The following MTHFD2L variants were observed in gnomAD, a reference collection of about 807,000 sequenced individuals.
MTHFD2L encodes methylenetetrahydrofolate dehydrogenase (NADP+ dependent) 2 like, also known as bifunctional methylenetetrahydrofolate dehydrogenase/cyclohydrolase 2, mitochondrial.
MTHFD2L carries 29 observed loss-of-function variants against 34.9 expected under a neutral mutation model. The ratio of observed to expected loss-of-function variants is 0.83; its 90% CI spans 0.62 to 1.13. MTHFD2L has a LOEUF of 1.13. Ranked by LOEUF, MTHFD2L falls within the 50% of genes most tolerant of loss-of-function variation. MTHFD2L has a pLI of 0.00. For synonymous variants in MTHFD2L, 167 were observed against 155.7 expected (o/e 1.07, Z -0.54); for missense variants, 481 against 446.5 (o/e 1.08, Z -0.70).
At chr4:74,196,611 A>G (rs1273417572) in intron 3 of MTHFD2L, among the ~76,000 whole-genome samples, 1 of 151,960 alleles carries the variant, frequency 6.6e-6, no homozygotes, top group Non-Finnish European at 1.5e-5. Context: ...TTTTCTGTTC[A>G]TTGTCCAAAG....
At chr4:74,267,904 G>A in intron 6 of MTHFD2L, 1 of 985,274 alleles carries the variant, frequency 1.0e-6, no homozygotes, top group Non-Finnish European at 1.2e-6. Flanking sequence ...GCACAGAGCA[G>A]AGCCCTACTG....
intron 7 of MTHFD2L, among the ~76,000 whole-genome samples, chr4:74,288,902 G>T (rs940948828): frequency 6.6e-6 from 1 of 152,060 alleles, no homozygotes; most frequent in Non-Finnish European, 1.5e-5. Flanking sequence ...ATTGTGTCAG[G>T]TCCCTTTTGT....
At chr4:74,157,890 G>T (rs1242702483), upstream of MTHFD2L, 1 of 666,590 alleles carries the variant, frequency 1.5e-6, no homozygotes, top group Non-Finnish European at 2.7e-6. Context: ...CACACTGCAC[G>T]CTTCCACATC....
chr4:74,117,614 G>A (rs1005660990), intron 2 of MTHFD2L, among the ~76,000 whole-genome samples: 3 of 152,198 alleles, frequency 2.0e-5, no homozygotes, highest in Non-Finnish European at 2.9e-5. Context: ...CTGAGCACAT[G>A]TTCAAAGGTT....
At chr4:74,269,265 G>A (rs1745669466) in intron 6 of MTHFD2L, among the ~76,000 whole-genome samples, 1 of 151,906 alleles carries the variant, frequency 6.6e-6, no homozygotes, top group Non-Finnish European at 1.5e-5. Context: ...TAGCTTGGGG[G>A]GAAAAAACAC....
chr4:74,146,781 C>T (rs562121090), intron 1 of MTHFD2L, among the ~76,000 whole-genome samples: 4 of 152,228 alleles, frequency 2.6e-5, no homozygotes, highest in South Asian at 2.1e-4. Context: ...ATTCCAGATT[C>T]GGTCTTTTGA....
At chr4:74,244,904 C>G (rs1326467385) in intron 6 of MTHFD2L, among the ~76,000 whole-genome samples, 1 of 152,060 alleles carries the variant, frequency 6.6e-6, no homozygotes, top group African/African-American at 2.4e-5. Flanking sequence ...ATTTAAGAAT[C>G]TAGTTGTTGG....
chr4:74,173,823 A>G (rs1430474929), intron 1 of MTHFD2L, among the ~76,000 whole-genome samples: 1 of 152,132 alleles, frequency 6.6e-6, no homozygotes, highest in African/African-American at 2.4e-5. Flanking sequence ...GAATACATAA[A>G]TGTGTGTATA....
intron 6 of MTHFD2L, among the ~76,000 whole-genome samples, chr4:74,246,729 A>T (rs1191158502): frequency 2.0e-5 from 3 of 152,184 alleles, no homozygotes; most frequent in Non-Finnish European, 4.4e-5. Flanking sequence ...CATTTATTAA[A>T]TAGGGAATCC....
Position 74,158,180 on chromosome 4 carries a change from C to T in MTHFD2L, c.42C>T (p.Arg14=), listed in dbSNP as rs763420016. ...PVRGFSLLRG[R]LGRAPALGRS... is the part of the protein sequence containing the mutation. ...GCGGCTTCTCGCTGCTCCGCGGCCG[C>T]CTTGGCCGAGCGCCGGCGTTGGGCA... Residue 14 remains arginine, a synonymous_variant, in exon 1 of 8, where the codon CGC becomes CGT. Coordinates refer to ENST00000325278, the MANE Select transcript of MTHFD2L (RefSeq NM_001144978.3). 8 of 1,527,154 alleles carry T rather than the reference C, an allele frequency of 5.2e-6. No individual in the cohort carries two copies. The African/African-American group carries it at 8.3e-5, about 16-fold the overall frequency. 94.6% of individuals were successfully genotyped at this position (1,527,154 alleles called of 1,614,324 possible).
chr4:74,293,659 C>T, intron 7 of MTHFD2L: 1 of 240,250 alleles, frequency 4.2e-6, no homozygotes, highest in Non-Finnish European at 6.7e-6. Context: ...GAGCCCTCTG[C>T]TCCCTGGTTC....
Position 74,275,192 on chromosome 4 carries a change from C to T in MTHFD2L, c.806-6233C>T, listed in dbSNP as rs140219710. On this transcript the variant is annotated intron_variant, in intron 6 of 7. Transcript: ENST00000325278. ...ACTCCCACTTATGAATGAGAACATG[C>T]GGTGTTTGGTTTTCTGTTCCTGTGC... Among the ~76,000 whole-genome samples, 134 of 152,156 alleles carry T rather than the reference C, an allele frequency of 8.8e-4. 1 individual carries two copies. Among genetic ancestry groups the T allele is most frequent in the African/African-American group, 3.0e-3 (123 of 41,526 alleles).
At chr4:74,240,396 G>A (rs1741528113) in intron 6 of MTHFD2L, among the ~76,000 whole-genome samples, 1 of 151,780 alleles carries the variant, frequency 6.6e-6, no homozygotes, top group Non-Finnish European at 1.5e-5. Flanking sequence ...AACATACAAA[G>A]GTATCTGTTA....
At chr4:74,168,460 C>T (rs1727226950) in intron 1 of MTHFD2L, among the ~76,000 whole-genome samples, 1 of 152,236 alleles carries the variant, frequency 6.6e-6, no homozygotes, top group African/African-American at 2.4e-5. Flanking sequence ...TCTTAACCCA[C>T]CTATGTAAAA....
intron 1 of MTHFD2L, among the ~76,000 whole-genome samples, chr4:74,168,122 T>C (rs912480265): frequency 6.6e-6 from 1 of 152,220 alleles, no homozygotes; most frequent in Non-Finnish European, 1.5e-5. Context: ...TCACCAGTTA[T>C]TTTAAAAGTG....
chr4:74,218,227 T>A (rs971283302), intron 5 of MTHFD2L, among the ~76,000 whole-genome samples: 1 of 152,144 alleles, frequency 6.6e-6, no homozygotes, highest in Non-Finnish European at 1.5e-5. Flanking sequence ...GTGAAATCTT[T>A]CTATAAGTAA....
At chr4:74,244,293 G>C (rs1182209123) in intron 6 of MTHFD2L, among the ~76,000 whole-genome samples, 1 of 152,208 alleles carries the variant, frequency 6.6e-6, no homozygotes, top group Non-Finnish European at 1.5e-5. Flanking sequence ...CTTGGGGGTA[G>C]AGATAGAACC....
intron 6 of MTHFD2L, among the ~76,000 whole-genome samples, chr4:74,272,052 A>T (rs555109963): frequency 6.6e-6 from 1 of 152,340 alleles, no homozygotes; most frequent in South Asian, 2.1e-4. Context: ...AAATTCTGGC[A>T]TCGCTTTGAT....
intron 6 of MTHFD2L, among the ~76,000 whole-genome samples, chr4:74,271,567 A>T (rs1263557180): frequency 7.2e-5 from 11 of 152,186 alleles, no homozygotes; most frequent in Non-Finnish European, 1.3e-4. Flanking sequence ...TGTTTTGGTT[A>T]CTGTAGCCTT....
Sources: allele counts gnomAD v4.1 joint callset (sites outside exome capture counted in the v4.1 genomes callset), GRCh38; gene constraint gnomAD v4.1.1; transcripts MANE v1.5; gene names NCBI Gene and HGNC (gene_info 2026-07-23, HGNC 2026-07-21).